Variants in MCTP1 observed in about 807,000 individuals in gnomAD.
MCTP1 encodes multiple C2 and transmembrane domain-containing protein 1.
In MCTP1, 69 loss-of-function variants were observed where a neutral mutation model predicts 120.6. The ratio of observed to expected loss-of-function variants is 0.57; its 90% CI spans 0.47 to 0.70. MCTP1 has a LOEUF of 0.70. MCTP1 is among the 30% of genes least tolerant of loss of function. The pLI is 0.00. For synonymous variants in MCTP1, 529 were observed against 493.1 expected (o/e 1.07, Z -0.96); for missense variants, 1,203 against 1,248.8 (o/e 0.96, Z 0.55).
intron 8 of MCTP1, among the ~76,000 whole-genome samples, chr5:94,914,195 A>C (rs1466428852): frequency 2.0e-5 from 3 of 152,348 alleles, no homozygotes; most frequent in African/African-American, 7.2e-5. Context: ...AGTTTCTTTC[A>C]TATTATCAAA....
chr5:95,211,992 C>G (rs1465016092), intron 1 of MCTP1, among the ~76,000 whole-genome samples: 1 of 152,024 alleles, frequency 6.6e-6, no homozygotes, highest in Non-Finnish European at 1.5e-5. Context: ...CAAAAGCTAG[C>G]AGAAGGCAAG....
intron 21 of MCTP1, 94 bp from the exon 22 acceptor site, chr5:94,708,703 A>C: frequency 1.4e-6 from 1 of 707,818 alleles, no homozygotes; most frequent in South Asian, 1.8e-5. Flanking sequence ...TCAATGAACC[A>C]ATACACCCAG....
chr5:95,253,234 A>C (rs1757545158), intron 1 of MCTP1, among the ~76,000 whole-genome samples: 2 of 152,254 alleles, frequency 1.3e-5, no homozygotes, highest in Admixed American at 1.3e-4. Flanking sequence ...CATGAAAATT[A>C]CCATCCTTTT....
rs1780151763 is a variant in MCTP1 at position 94,796,668 on chromosome 5, A to G, written c.2556+2345T>C. 4.3e-5 allele frequency among the ~76,000 whole-genome samples: 6 copies of G among 139,222 alleles called. 1 individual carries two copies. In the South Asian group the frequency reaches 1.3e-3, roughly 31 times the overall value. 91.3% of individuals were successfully genotyped at this position (139,222 alleles called of 152,430 possible). A position where few individuals can be genotyped will look rare whatever the true frequency, so the allele number is the denominator to read the frequency against. On this transcript the variant is annotated intron_variant, in intron 18 of 22. Coordinates refer to ENST00000515393, the MANE Select transcript of MCTP1 (RefSeq NM_024717.7). The stretch of plus-strand genomic sequence containing the variant: ...TATATATTATATATATTATATATAT[A>G]TGTATTCTGTAACCAGCAAAGTATA...
At chr5:94,813,039 G>T (rs1292621378) in intron 17 of MCTP1, among the ~76,000 whole-genome samples, 1 of 151,938 alleles carries the variant, frequency 6.6e-6, no homozygotes, top group Non-Finnish European at 1.5e-5. Context: ...AAAATGAAAA[G>T]ATAAGCCACA....
chr5:95,201,463 G>GTTTTT (rs1562232022), intron 1 of MCTP1, among the ~76,000 whole-genome samples: 1 of 120,682 alleles, frequency 8.3e-6, no homozygotes, highest in Non-Finnish European at 1.8e-5. Context: ...AAGGAAAAGT[G>GTTTTT]GTTTTTTTTT....
In MCTP1 at chr5:94,771,848, T is replaced by C. The variant is rs369326734; in HGVS notation, c.2610+7262A>G. Among the ~76,000 whole-genome samples the C allele has an allele frequency of 5.9e-5, 9 of 152,346 alleles. No homozygotes were observed. The South Asian group carries it at 1.9e-3, about 32-fold the overall frequency. ...AATCACAAATGTATTATCTTACCATTCCATAGGTCAGAAGTCTGAAATGAG... is the reference window on the plus strand; with the variant it reads ...AATCACAAATGTATTATCTTACCATCCCATAGGTCAGAAGTCTGAAATGAG... On this transcript the variant is annotated intron_variant, in intron 19 of 22. Coordinates refer to ENST00000515393, the MANE Select transcript of MCTP1 (RefSeq NM_024717.7).
chr5:95,169,431 C>T (rs900997711), intron 1 of MCTP1, among the ~76,000 whole-genome samples: 2 of 152,120 alleles, frequency 1.3e-5, no homozygotes, highest in African/African-American at 4.8e-5. Context: ...AGGGAGGATT[C>T]CCTCTTTTTC....
intron 6 of MCTP1, among the ~76,000 whole-genome samples, chr5:94,929,340 A>G (rs1813948170): frequency 1.3e-5 from 2 of 152,224 alleles, no homozygotes; most frequent in South Asian, 4.1e-4. Flanking sequence ...AAGCCCTGCC[A>G]TGAAGATGCG....
At chr5:94,803,713 G>A (rs1408800294) in intron 17 of MCTP1, among the ~76,000 whole-genome samples, 2 of 152,100 alleles carry the variant, frequency 1.3e-5, no homozygotes, top group African/African-American at 4.8e-5. Context: ...ATTGTTTCAA[G>A]TATAAGAGCT....
intron 17 of MCTP1, among the ~76,000 whole-genome samples, chr5:94,807,064 GTT>G (rs1271914856): frequency 6.6e-6 from 1 of 151,978 alleles, no homozygotes; most frequent in African/African-American, 2.4e-5. Flanking sequence ...ACCCCTTAAT[GTT>G]TTCCTGTATA....
chr5:95,272,468 C>T (rs1229321172), intron 1 of MCTP1, among the ~76,000 whole-genome samples: 1 of 152,152 alleles, frequency 6.6e-6, no homozygotes, highest in South Asian at 2.1e-4. Context: ...TCCAAGTCAT[C>T]CAAGTTATAC....
chr5:95,181,997 A>T (rs1399486808), intron 1 of MCTP1, among the ~76,000 whole-genome samples: 1 of 152,242 alleles, frequency 6.6e-6, no homozygotes, highest in African/African-American at 2.4e-5. Context: ...TAGACAACAA[A>T]GATGAAAAAG....
At chr5:94,708,746 T>C (rs1223432315) in intron 21 of MCTP1, 137 bp from the exon 22 acceptor site, 5 of 571,370 alleles carry the variant, frequency 8.8e-6, no homozygotes, top group Admixed American at 5.9e-5. Flanking sequence ...TTCTCCTTCA[T>C]TTCTTCCTCC....
At chr5:95,255,074 G>A (rs952182531) in intron 1 of MCTP1, among the ~76,000 whole-genome samples, 5 of 152,148 alleles carry the variant, frequency 3.3e-5, no homozygotes, top group African/African-American at 9.7e-5. Context: ...GATATAAAAT[G>A]TATGCCTTCA....
intron 1 of MCTP1, among the ~76,000 whole-genome samples, chr5:95,157,841 C>T (rs1745293859): frequency 6.6e-6 from 1 of 152,064 alleles, no homozygotes; most frequent in Non-Finnish European, 1.5e-5. Flanking sequence ...CAGTCACTCC[C>T]TTTCCTTCAT....
intron 2 of MCTP1, among the ~76,000 whole-genome samples, chr5:94,994,003 A>T (rs1832117126): frequency 6.6e-6 from 1 of 152,172 alleles, no homozygotes; most frequent in African/African-American, 2.4e-5. Context: ...AGCAGATGTC[A>T]ACCTTTCGAT....
intron 17 of MCTP1, among the ~76,000 whole-genome samples, chr5:94,839,146 C>G (rs1407637888): frequency 6.6e-6 from 1 of 152,148 alleles, no homozygotes; most frequent in East Asian, 1.9e-4. Flanking sequence ...CCTCAGATAC[C>G]ATCCCTATGG....
At chr5:95,167,021 CTCG>C (rs1746488489) in intron 1 of MCTP1, among the ~76,000 whole-genome samples, 1 of 150,334 alleles carries the variant, frequency 6.7e-6, no homozygotes, top group South Asian at 2.1e-4. Context: ...CACCCATTAA[CTCG>C]TCATTTACAT....
Sources: gnomAD v4.1 joint callset for allele counts (sites outside exome capture counted in the v4.1 genomes callset) on GRCh38, gnomAD v4.1.1 for gene constraint, MANE v1.5 for transcripts, NCBI Gene and HGNC (gene_info 2026-07-23, HGNC 2026-07-21) for gene names.